The following ADGRL2 variants were observed in gnomAD, a reference collection of about 807,000 sequenced individuals.
ADGRL2 encodes the protein calcium-independent alpha-latrotoxin receptor 2.
In ADGRL2, 44 loss-of-function variants were observed where a neutral mutation model predicts 157.4. The observed-to-expected ratio is 0.28, with a 90% CI of 0.22 to 0.36. The LOEUF is 0.36. Ranked by LOEUF, ADGRL2 falls within the 10% of genes least tolerant of loss-of-function variation. The pLI is 1.00. For missense variants in ADGRL2, 1,510 were observed against 1,768.9 expected, an observed-to-expected ratio of 0.85 and a Z score of 2.63; for synonymous variants, 585 against 624.7, an observed-to-expected ratio of 0.94 and a Z score of 0.95.
intron 3 of ADGRL2, among the ~76,000 whole-genome samples, chr1:81,632,562 T>C (rs903383779): frequency 2.0e-5 from 3 of 151,928 alleles, no homozygotes; most frequent in African/African-American, 4.8e-5. Flanking sequence ...ATCGAGACCA[T>C]CCTGGCTAAC....
At chr1:81,984,773 G>T (rs1170356534) in intron 20 of ADGRL2, 62 bp downstream of exon 20, 4 of 1,546,524 alleles carry the variant, frequency 2.6e-6, no homozygotes, top group Non-Finnish European at 3.5e-6. Flanking sequence ...ACTGAGACAT[G>T]TTCTGTTCAG....
chr1:81,403,383 A>G (rs931261729), intron 1 of ADGRL2, among the ~76,000 whole-genome samples: 11 of 151,642 alleles, frequency 7.3e-5, no homozygotes, highest in Non-Finnish European at 1.5e-4. Context: ...TCATACCTCA[A>G]CCTCCAAAGC....
Position 81,649,934 on chromosome 1 carries a change from A to C in ADGRL2, c.-143+68954A>C, listed in dbSNP as rs537019885. 4.6e-5 allele frequency among the ~76,000 whole-genome samples: 7 copies of C among 152,304 alleles called. 1 individual carries two copies. In the South Asian group the frequency reaches 1.4e-3, roughly 32 times the overall value. On this transcript the variant is annotated intron_variant, in intron 3 of 24. Transcript: ENST00000370721. Reference sequence around the variant, plus strand: ...CTAAAACTCCTTCCTTAACCAGGAAATAGGGAGAAAACAGTAGTATCATGC... The same window carrying C: ...CTAAAACTCCTTCCTTAACCAGGAACTAGGGAGAAAACAGTAGTATCATGC...
intron 2 of ADGRL2, among the ~76,000 whole-genome samples, chr1:81,478,293 G>T (rs1029074573): frequency 4.6e-5 from 7 of 152,186 alleles, no homozygotes; most frequent in Non-Finnish European, 1.0e-4. Flanking sequence ...TACAGGCTGG[G>T]CGATATGCCC....
chr1:81,484,835 A>G (rs897990379), intron 2 of ADGRL2, among the ~76,000 whole-genome samples: 1 of 152,142 alleles, frequency 6.6e-6, no homozygotes, highest in South Asian at 2.1e-4. Context: ...TGGAGGATTT[A>G]CATACCTCAG....
At chr1:81,645,562 A>G (rs2082299147) in intron 3 of ADGRL2, among the ~76,000 whole-genome samples, 1 of 152,118 alleles carries the variant, frequency 6.6e-6, no homozygotes, top group Non-Finnish European at 1.5e-5. Context: ...TTTTCCATGC[A>G]TGTCCATGCA....
Position 81,676,308 on chromosome 1 carries a change from C to CTGTTT in ADGRL2, c.-142-85490_-142-85486dup, listed in dbSNP as rs747992776. Among the ~76,000 whole-genome samples, 44 of 152,164 alleles carry CTGTTT rather than the reference C, an allele frequency of 2.9e-4. No individual in the cohort carries two copies. The East Asian group carries it at 4.9e-3, about 17-fold the overall frequency. On this transcript the variant is annotated intron_variant, in intron 3 of 24. Coordinates refer to the ADGRL2 transcript ENST00000370721. The stretch of plus-strand genomic sequence containing the variant: ...ACAGGTGAGAGCCACCGCGCCCGGC[C>CTGTTT]TGTTTTGTTTTGTTTTGAAACAGGA...
intron 1 of ADGRL2, among the ~76,000 whole-genome samples, chr1:81,317,915 CAT>C (rs1557591499): frequency 1.3e-5 from 2 of 152,028 alleles, no homozygotes; most frequent in African/African-American, 2.4e-5. Context: ...TACATATGCA[CAT>C]AGTTTCAATA....
chr1:81,399,670 T>C (rs899584121), intron 1 of ADGRL2, among the ~76,000 whole-genome samples: 5 of 152,184 alleles, frequency 3.3e-5, no homozygotes, highest in African/African-American at 1.2e-4. Context: ...CATTTCTTGT[T>C]CATACTATGA....
rs182837086 is a variant in ADGRL2, at chr1:81,385,767, C to G, written c.-301-59269C>G. Among the ~76,000 whole-genome samples, 8 of 152,140 alleles carry G rather than the reference C, an allele frequency of 5.3e-5. No individual in the cohort carries two copies. In the East Asian group the frequency reaches 1.5e-3, roughly 29 times the overall value. On this transcript the variant is annotated intron_variant, in intron 1 of 24. Coordinates refer to the ADGRL2 transcript ENST00000370721. ...AGAGCTAACATAAAAACTAAAGACG[C>G]TCTGCAATATTCATACCAAGAAGAA... is the stretch of plus-strand genomic sequence containing the variant.
chr1:81,863,302 C>A (rs960560877), intron 2 of ADGRL2, among the ~76,000 whole-genome samples: 2 of 152,138 alleles, frequency 1.3e-5, no homozygotes, highest in African/African-American at 4.8e-5. Context: ...GCTTTTGAGG[C>A]ACCCAAACCA....
chr1:81,323,924 T>C (rs369102694), intron 1 of ADGRL2, among the ~76,000 whole-genome samples: 14 of 152,034 alleles, frequency 9.2e-5, no homozygotes, highest in East Asian at 3.9e-4. Context: ...AGAGAGAATG[T>C]TGTGAGAAGA....
chr1:81,730,585 T>C (rs907196651), intron 1 of ADGRL2, among the ~76,000 whole-genome samples: 1 of 151,988 alleles, frequency 6.6e-6, no homozygotes, highest in African/African-American at 2.4e-5. Flanking sequence ...TAGCCGGGTG[T>C]GGTGGTACAT....
chr1:81,541,185 G>A (rs1458888690), intron 2 of ADGRL2, among the ~76,000 whole-genome samples: 1 of 152,166 alleles, frequency 6.6e-6, no homozygotes, highest in Middle Eastern at 3.2e-3. Flanking sequence ...TTATGTCTTT[G>A]AATTAACAGA....
intron 2 of ADGRL2, among the ~76,000 whole-genome samples, chr1:81,477,155 A>C (rs2078289467): frequency 6.6e-6 from 1 of 152,254 alleles, no homozygotes; most frequent in African/African-American, 2.4e-5. Context: ...TATGGTTTAC[A>C]TGTGTCATAT....
intron 2 of ADGRL2, among the ~76,000 whole-genome samples, chr1:81,487,116 A>G (rs898613476): frequency 3.0e-5 from 4 of 131,410 alleles, no homozygotes; most frequent in Admixed American, 8.0e-5. Context: ...AAAAGAAAGT[A>G]AATCAGCCAG....
At chr1:81,382,235 C>G (rs903516772) in intron 1 of ADGRL2, among the ~76,000 whole-genome samples, 16 of 152,150 alleles carry the variant, frequency 1.1e-4, no homozygotes, top group African/African-American at 3.9e-4. Context: ...CAAATCACAT[C>G]AACATTCATC....
At chr1:81,814,925 A>G (rs917781950) in intron 1 of ADGRL2, among the ~76,000 whole-genome samples, 7 of 151,732 alleles carry the variant, frequency 4.6e-5, no homozygotes, top group Non-Finnish European at 7.4e-5. Context: ...TCAAAAATTT[A>G]AACACAGTAG....
chr1:81,661,429 A>G (rs529392813), intron 3 of ADGRL2, among the ~76,000 whole-genome samples: 1 of 152,322 alleles, frequency 6.6e-6, no homozygotes, highest in Admixed American at 6.5e-5. Context: ...AAGCTTATAG[A>G]AAAATAAAGG....
Sources: allele counts gnomAD v4.1 joint callset (sites outside exome capture counted in the v4.1 genomes callset), GRCh38; gene constraint gnomAD v4.1.1; transcripts MANE v1.5; gene names NCBI Gene and HGNC (gene_info 2026-07-23, HGNC 2026-07-21).